The following RETREG1 variants were observed in gnomAD, a reference collection of about 807,000 sequenced individuals.
RETREG1 encodes family with sequence similarity 134 member B.
RETREG1 carries 44 observed loss-of-function variants against 54.8 expected under a neutral mutation model. The observed-to-expected ratio is 0.80, with a 90% CI of 0.63 to 1.03. The LOEUF is 1.03. Ranked by LOEUF, RETREG1 falls within the 50% of genes least tolerant of loss-of-function variation. The pLI, the probability that RETREG1 is intolerant of heterozygous loss-of-function variation, is 0.00. For synonymous variants in RETREG1, 217 were observed against 238.5 expected (o/e 0.91, Z 0.83); for missense variants, 554 against 605.1 (o/e 0.92, Z 0.89).
At chr5:16,526,818 C>T (rs1168383982) in intron 3 of RETREG1, among the ~76,000 whole-genome samples, 1 of 152,210 alleles carries the variant, frequency 6.6e-6, no homozygotes, top group Non-Finnish European at 1.5e-5. Flanking sequence ...ACCGCCAGGT[C>T]CCCCTTACGG....
Position 16,474,281 on chromosome 5 carries a change from C to T in RETREG1, c.*460G>A, listed in dbSNP as rs1465758643. ...GGTCTTTTTTACATCAAAATCTATCCGTTGAAAAAAAAATTTTCCAGGTAT... is the reference window on the plus strand; with the variant it reads ...GGTCTTTTTTACATCAAAATCTATCTGTTGAAAAAAAAATTTTCCAGGTAT... On this transcript the variant is annotated 3_prime_UTR_variant, in exon 9 of 9. Transcript: ENST00000306320. The T allele has an allele frequency of 6.6e-6, 1 of 152,510 alleles. No individual in the cohort carries two copies. Among genetic ancestry groups the T allele is most frequent in the Non-Finnish European group, 1.4e-5 (1 of 70,374 alleles). 9.4% of individuals were successfully genotyped at this position (152,510 alleles called of 1,614,324 possible). A position where few individuals can be genotyped will look rare whatever the true frequency, so the allele number is the denominator to read the frequency against.
At chr5:16,604,530 A>G (rs1292555242) in intron 1 of RETREG1, among the ~76,000 whole-genome samples, 1 of 152,232 alleles carries the variant, frequency 6.6e-6, no homozygotes, top group African/African-American at 2.4e-5. Flanking sequence ...AATAGCCACA[A>G]TGCTTTACCT....
intron 3 of RETREG1, among the ~76,000 whole-genome samples, chr5:16,493,025 G>A (rs1000778674): frequency 6.6e-6 from 1 of 152,136 alleles, no homozygotes; most frequent in African/African-American, 2.4e-5. Flanking sequence ...TCTGCCTGGA[G>A]AAGCTTTCTG....
chr5:16,525,766 A>AGAGG (rs1303214629), intron 3 of RETREG1, among the ~76,000 whole-genome samples: 3 of 15,822 alleles, frequency 1.9e-4, no homozygotes, highest in Non-Finnish European at 4.9e-4. Flanking sequence ...ATATATACAC[A>AGAGG]GAGAGGGAGA....
chr5:16,581,851 TATTTA>T (rs1389053155), intron 1 of RETREG1, among the ~76,000 whole-genome samples: 10 of 152,246 alleles, frequency 6.6e-5, no homozygotes, highest in Admixed American at 2.6e-4. Context: ...TATTTTATTT[TATTTA>T]AAGTTCCAGG....
At chr5:16,567,564 G>A (rs1266332520) in intron 2 of RETREG1, among the ~76,000 whole-genome samples, 1 of 150,896 alleles carries the variant, frequency 6.6e-6, no homozygotes, top group Non-Finnish European at 1.5e-5. Flanking sequence ...GTATAAAGCA[G>A]CAGTGGTTAC....
At chr5:16,616,574 T>G (rs2126387137) in intron 1 of RETREG1, 78 bp downstream of exon 1, 1 of 1,530,874 alleles carries the variant, frequency 6.5e-7, no homozygotes, top group East Asian at 2.5e-5. Flanking sequence ...GGGCTCCCCC[T>G]GCACTGGGTC....
At chr5:16,540,269 G>C (rs1741203233) in intron 3 of RETREG1, among the ~76,000 whole-genome samples, 1 of 152,194 alleles carries the variant, frequency 6.6e-6, no homozygotes, top group South Asian at 2.1e-4. Flanking sequence ...TGCAGTTGAA[G>C]GACTTGTAAA....
At chr5:16,590,742 A>G (rs1227564947) in intron 1 of RETREG1, among the ~76,000 whole-genome samples, 1 of 152,100 alleles carries the variant, frequency 6.6e-6, no homozygotes, top group Non-Finnish European at 1.5e-5. Flanking sequence ...ACCCAGCTAG[A>G]AGCTCACCTC....
chr5:16,492,880 T>A (rs969937193), intron 3 of RETREG1, among the ~76,000 whole-genome samples: 1 of 152,192 alleles, frequency 6.6e-6, no homozygotes, highest in African/African-American at 2.4e-5. Flanking sequence ...AACTAGAGGA[T>A]TAAAAAGAGT....
chr5:16,569,175 A>T (rs1007685791), intron 2 of RETREG1, among the ~76,000 whole-genome samples: 2 of 152,134 alleles, frequency 1.3e-5, no homozygotes, highest in African/African-American at 4.8e-5. Context: ...GGGCTCCCCA[A>T]TGGGCCTTTG....
chr5:16,594,660 G>A lies in RETREG1; in HGVS notation c.320+21992C>T, dbSNP rs949958755. ...AAATCGCTTGAATCCAGGAGGCGGA[G>A]ACTGCAGTAAGCCAAGATTGCACCA... On this transcript the variant is annotated intron_variant, in intron 1 of 8. Transcript: ENST00000306320. The surrounding 1 kb of genome is among the most constrained non-coding windows in gnomAD (Gnocchi z 4.4). Among the ~76,000 whole-genome samples the A allele has an allele frequency of 3.9e-5, 6 of 152,142 alleles. No homozygotes were observed. The highest frequency in any genetic ancestry group is 8.8e-5 in the Non-Finnish European group (6 of 68,032).
chr5:16,479,042 A>G lies in RETREG1; in HGVS notation c.671-55T>C, dbSNP rs6883888. On this transcript the variant is annotated intron_variant, in intron 5 of 8. Coordinates refer to ENST00000306320, the MANE Select transcript of RETREG1 (RefSeq NM_001034850.3). ...TGCCTTTCCTTTCAAAAGGCTACGT[A>G]CATTTCAGTATTTCACAAAATACTA... 512,970 of 1,554,794 alleles carry G rather than the reference A, an allele frequency of 0.33. 93,663 individuals carry two copies. Among genetic ancestry groups the G allele is most frequent in the Non-Finnish European group, 0.38 (426,238 of 1,131,488 alleles).
chr5:16,552,503 A>T (rs1741572387), intron 3 of RETREG1, among the ~76,000 whole-genome samples: 1 of 152,238 alleles, frequency 6.6e-6, no homozygotes, highest in Non-Finnish European at 1.5e-5. Context: ...ATGAACTCAA[A>T]GTACCATTTA....
rs888395625 is a variant in RETREG1, at chr5:16,483,326, T to C, written c.585+20A>G. 1 of 1,612,482 alleles carries C rather than the reference T, an allele frequency of 6.2e-7. No homozygotes were observed. Among genetic ancestry groups the C allele is most frequent in the African/African-American group, 1.3e-5 (1 of 74,864 alleles). The stretch of plus-strand genomic sequence containing the variant: ...AGTAACTGAACATTTTAAAACATAC[T>C]CCTTTACTGGAAAACTTGCCTTGCC... On this transcript the variant is annotated intron_variant, in intron 4 of 8. Coordinates refer to ENST00000306320, the MANE Select transcript of RETREG1 (RefSeq NM_001034850.3).
chr5:16,597,886 C>T lies in RETREG1; in HGVS notation c.320+18766G>A, dbSNP rs1742946201. Among the ~76,000 whole-genome samples, 2 of 152,118 alleles carry T rather than the reference C, an allele frequency of 1.3e-5. No homozygotes were observed. Among genetic ancestry groups the T allele is most frequent in the South Asian group, 4.1e-4 (2 of 4,828 alleles). On this transcript the variant is annotated intron_variant, in intron 1 of 8. Transcript: ENST00000306320. This position sits in a 1 kb window ranked among gnomAD's most constrained non-coding sequence, Gnocchi z 4.3. ...GATCTGGACCTGCTTCCTTTCCAGC[C>T]TCACCTCCTGTGACCGCTGGCACGA... is the stretch of plus-strand genomic sequence containing the variant.
chr5:16,489,841 T>A (rs10079534), intron 3 of RETREG1, among the ~76,000 whole-genome samples: 37,904 of 152,088 alleles, frequency 0.25, 5,406 homozygotes, highest in Admixed American at 0.44. Context: ...TTGAAAACTA[T>A]GTTGGGGATT....
chr5:16,507,635 A>G (rs537033281), intron 3 of RETREG1, among the ~76,000 whole-genome samples: 117 of 152,334 alleles, frequency 7.7e-4, no homozygotes, highest in African/African-American at 2.6e-3. Context: ...AGAAAACTAG[A>G]GAAAAGTAGC....
At chr5:16,566,469 C>T (rs1240323745) in intron 2 of RETREG1, among the ~76,000 whole-genome samples, 3 of 152,168 alleles carry the variant, frequency 2.0e-5, no homozygotes, top group African/African-American at 7.2e-5. Context: ...TGATATTATA[C>T]TCCCAGCTAC....
Sources: allele counts gnomAD v4.1 joint callset (sites outside exome capture counted in the v4.1 genomes callset), GRCh38; gene constraint gnomAD v4.1.1; non-coding constraint Gnocchi (gnomAD v3.1); transcripts MANE v1.5; gene names NCBI Gene and HGNC (gene_info 2026-07-23, HGNC 2026-07-21).